TASP1: variants seen among roughly 807,000 people sequenced by gnomAD.
TASP1 encodes taspase 1, also known as threonine aspartase 1.
TASP1 carries 16 observed loss-of-function variants against 56.6 expected under a neutral mutation model. That is an observed-to-expected ratio of 0.28 (90% CI 0.19 to 0.43). The LOEUF is 0.43. Among genes scored for constraint, TASP1 ranks in the 20% least tolerant of loss-of-function variants. The pLI, the probability that TASP1 is intolerant of heterozygous loss-of-function variation, is 1.00. For synonymous variants in TASP1, 179 were observed against 184.2 expected (o/e 0.97, Z 0.23); for missense variants, 393 against 511.6 (o/e 0.77, Z 2.24).
chr20:13,634,507 A>G (rs908097833), intron 1 of TASP1, among the ~76,000 whole-genome samples: 11 of 152,130 alleles, frequency 7.2e-5, no homozygotes, highest in Non-Finnish European at 1.5e-4. Context: ...AGGCGGGTGG[A>G]TCACCTGAGG....
At chr20:13,189,499 A>G in the TASP1 span, among the ~76,000 whole-genome samples, 1 of 152,226 alleles carries the variant, frequency 6.6e-6, no homozygotes, top group African/African-American at 2.4e-5. Flanking sequence ...AAGGACATAA[A>G]TAGACACTTC....
rs147873574 is a variant in TASP1, at chr20:13,553,696, T to C, written c.675+5312A>G. On this transcript the variant is annotated intron_variant, in intron 8 of 13. Coordinates refer to ENST00000337743, the MANE Select transcript of TASP1 (RefSeq NM_017714.3). ...ATAAAATATGCTTTTATTCAATTTA[T>C]GTATAGACTAGCTATTTAGCTCAAT... Among the ~76,000 whole-genome samples the C allele has an allele frequency of 4.8e-3, 735 of 152,348 alleles. 4 individuals are homozygous for C. Among genetic ancestry groups the C allele is most frequent in the African/African-American group, 0.016 (659 of 41,582 alleles).
intron 10 of TASP1, among the ~76,000 whole-genome samples, chr20:13,522,032 C>G (rs1303299516): frequency 1.3e-5 from 2 of 152,116 alleles, no homozygotes; most frequent in African/African-American, 4.8e-5. Flanking sequence ...GGAGGAGAAG[C>G]AGCAGCTTGA....
intron 13 of TASP1, among the ~76,000 whole-genome samples, chr20:13,400,348 A>G (rs2041691875): frequency 6.6e-6 from 1 of 152,222 alleles, no homozygotes. Flanking sequence ...CTTCCGTCTT[A>G]GTCAGTCATT....
chr20:13,136,030 G>A, the TASP1 span, among the ~76,000 whole-genome samples: 1 of 152,216 alleles, frequency 6.6e-6, no homozygotes, highest in Admixed American at 6.5e-5. Flanking sequence ...AATTACTAAT[G>A]TGTAATATCT....
chr20:13,426,815 T>G (rs6042090), intron 12 of TASP1, among the ~76,000 whole-genome samples: 198 of 152,298 alleles, frequency 1.3e-3, no homozygotes, highest in African/African-American at 4.0e-3. Flanking sequence ...GGCTTATCTC[T>G]TAAGAGATAT....
At chr20:13,359,239 C>T in the TASP1 span, among the ~76,000 whole-genome samples, 24 of 147,498 alleles carry the variant, frequency 1.6e-4, no homozygotes, top group Non-Finnish European at 2.8e-4. Context: ...GCTTGCTACA[C>T]GTGCCGGAAA....
Position 13,391,904 on chromosome 20 carries a change from C to G in TASP1, c.1171-1452G>C, listed in dbSNP as rs560804489. On this transcript the variant is annotated intron_variant, in intron 13 of 13. Transcript: ENST00000337743. ...AATGGCATGAACCTGGGAGGTGGAG[C>G]TTGAAGTGAGCCGAGATCACGCCAC... 2.3e-3 allele frequency among the ~76,000 whole-genome samples: 344 copies of G among 147,624 alleles called. 1 individual carries two copies. Among genetic ancestry groups the G allele is most frequent in the African/African-American group, 8.2e-3 (325 of 39,428 alleles).
intron 13 of TASP1, among the ~76,000 whole-genome samples, chr20:13,409,464 C>T (rs2042025495): frequency 1.3e-5 from 2 of 152,090 alleles, no homozygotes; most frequent in South Asian, 2.1e-4. Context: ...GAATGGACCA[C>T]ATTTTCAATA....
At chr20:13,295,939 G>T in the TASP1 span, among the ~76,000 whole-genome samples, 1 of 152,212 alleles carries the variant, frequency 6.6e-6, no homozygotes, top group African/African-American at 2.4e-5. Flanking sequence ...GGACACTTGT[G>T]GCTGTCACAC....
At chr20:13,484,682 G>C (rs6134880) in intron 10 of TASP1, among the ~76,000 whole-genome samples, 7,101 of 148,698 alleles carry the variant, frequency 0.048, 221 homozygotes, top group South Asian at 0.072. Context: ...TTTGCTGTGA[G>C]CTGAGATCGA....
At chr20:13,246,338 C>G in the TASP1 span, among the ~76,000 whole-genome samples, 2 of 151,820 alleles carry the variant, frequency 1.3e-5, no homozygotes, top group African/African-American at 4.8e-5. Context: ...TGAACCCTCA[C>G]AGCATGGTTC....
At chr20:13,168,100 T>G in the TASP1 span, 1 of 152,138 alleles carries the variant, frequency 6.6e-6, no homozygotes, top group Non-Finnish European at 1.5e-5. Flanking sequence ...TGGGTAAAAT[T>G]ATGCCTTCTT....
intron 10 of TASP1, among the ~76,000 whole-genome samples, chr20:13,485,295 A>G (rs918923404): frequency 2.0e-5 from 3 of 152,202 alleles, no homozygotes; most frequent in African/African-American, 7.2e-5. Flanking sequence ...TCAATTAGAA[A>G]TAAGATTACA....
chr20:13,331,288 A>C, the TASP1 span, among the ~76,000 whole-genome samples: 1 of 152,306 alleles, frequency 6.6e-6, no homozygotes, highest in Admixed American at 6.5e-5. Context: ...TTAGTGTTCT[A>C]AGACATTTTA....
chr20:13,395,944 G>A (rs1035983713), intron 13 of TASP1, among the ~76,000 whole-genome samples: 11 of 151,210 alleles, frequency 7.3e-5, no homozygotes, highest in Admixed American at 5.3e-4. Flanking sequence ...CTCATGATCC[G>A]CCTGCCTTGG....
chr20:13,257,064 A>T, the TASP1 span, among the ~76,000 whole-genome samples: 1 of 152,222 alleles, frequency 6.6e-6, no homozygotes, highest in Admixed American at 6.5e-5. Flanking sequence ...AAGTGTTTTT[A>T]CCACACAGAT....
At chr20:13,442,305 C>T (rs1385310885) in intron 11 of TASP1, among the ~76,000 whole-genome samples, 1 of 152,062 alleles carries the variant, frequency 6.6e-6, no homozygotes, top group East Asian at 1.9e-4. Flanking sequence ...CACACACACA[C>T]ACACACACAC....
At chr20:13,345,396 C>T in the TASP1 span, among the ~76,000 whole-genome samples, 2 of 152,190 alleles carry the variant, frequency 1.3e-5, no homozygotes, top group Non-Finnish European at 2.9e-5. Context: ...AACGCCAAGC[C>T]CCTGGAACCA....
Sources: gnomAD v4.1 joint callset for allele counts (sites outside exome capture counted in the v4.1 genomes callset) on GRCh38, gnomAD v4.1.1 for gene constraint, MANE v1.5 for transcripts, NCBI Gene and HGNC (gene_info 2026-07-23, HGNC 2026-07-21) for gene names.